ACSL4: variants seen among roughly 807,000 people sequenced by gnomAD.
The protein encoded by ACSL4 is acyl-CoA synthetase long chain family member 4, also known as long-chain-fatty-acid--CoA ligase 4.
In ACSL4, 9 loss-of-function variants were observed where a neutral mutation model predicts 49.1. That is an observed-to-expected ratio of 0.18 (90% confidence interval 0.11 to 0.32). The LOEUF is 0.32. Ranked by LOEUF, ACSL4 falls within the 10% of genes least tolerant of loss-of-function variation. The pLI is 1.00. For synonymous variants in ACSL4, 191 were observed against 170.3 expected (o/e 1.12, Z -0.95); for missense variants, 333 against 493.7 (o/e 0.67, Z 3.08).
intron 1 of ACSL4, among the ~76,000 whole-genome samples, chrX:109,711,346 C>T (rs1055879499): frequency 3.6e-5 from 4 of 112,122 alleles, no homozygotes; most frequent in African/African-American, 1.3e-4. Flanking sequence ...TATGCCCCAG[C>T]TGAGAGGCAA....
chrX:109,724,932 T>C (rs1437765148), intron 1 of ACSL4, among the ~76,000 whole-genome samples: 1 of 108,014 alleles, frequency 9.3e-6, no homozygotes, highest in African/African-American at 3.4e-5. Context: ...ATAATAAAAA[T>C]TTTCTGTAGA....
intron 1 of ACSL4, among the ~76,000 whole-genome samples, chrX:109,716,678 G>C: frequency 8.9e-6 from 1 of 112,032 alleles, no homozygotes; most frequent in East Asian, 2.8e-4. Context: ...CTCAGTATAA[G>C]GCACTTTTGC....
intron 15 of ACSL4, 115 bp downstream of exon 15, chrX:109,659,239 G>C: frequency 4.3e-6 from 3 of 692,711 alleles, no homozygotes; most frequent in Non-Finnish European, 6.7e-6. Context: ...TTAAGAAATA[G>C]GTTTCTTAAA....
chrX:109,671,501 C>A (rs779932654), intron 9 of ACSL4, among the ~76,000 whole-genome samples: 2 of 99,853 alleles, frequency 2.0e-5, no homozygotes, highest in Non-Finnish European at 4.1e-5. Flanking sequence ...AGGTGGCAGG[C>A]GGGCGCCTCT....
intron 6 of ACSL4, among the ~76,000 whole-genome samples, chrX:109,679,044 T>C (rs1011217432): frequency 8.9e-6 from 1 of 111,901 alleles, no homozygotes; most frequent in African/African-American, 3.2e-5. Flanking sequence ...GCTGGACAGA[T>C]TGTGGTTACT....
intron 2 of ACSL4, among the ~76,000 whole-genome samples, chrX:109,694,289 T>A (rs1925256934): frequency 8.9e-6 from 1 of 112,339 alleles, no homozygotes; most frequent in Non-Finnish European, 1.9e-5. Flanking sequence ...ATCTTCAGTT[T>A]CAAATTTATA....
Position 109,680,857 on chromosome X carries a change from T to G in ACSL4, c.655+141A>C, listed in dbSNP as rs746340327. 127 of 598,829 alleles carry G rather than the reference T, an allele frequency of 2.1e-4. No homozygotes were observed. In the Middle Eastern group the frequency reaches 2.8e-3, roughly 13 times the overall value. The allele number at this position is 598,829 out of a possible 1,213,427, so 49.4% of individuals were successfully genotyped here. On this transcript the variant is annotated intron_variant, in intron 6 of 15. Transcript: ENST00000672401. Reference sequence around the variant, plus strand: ...GGAAAATCTTAATCATATATGGTCTTGATGGTTTTTAAAGATTTTTGAACT... The same window carrying G: ...GGAAAATCTTAATCATATATGGTCTGGATGGTTTTTAAAGATTTTTGAACT...
In ACSL4 at chrX:109,673,177, A is replaced by G. The variant is rs566146395; in HGVS notation, c.1002+1225T>C. On this transcript the variant is annotated intron_variant, in intron 9 of 15. Transcript: ENST00000672401. ...CTCTTACCTCTTCCTATGTTATCTGATAAGGTTTGCTAGGGAATTCTGAAT... is the reference window on the plus strand; with the variant it reads ...CTCTTACCTCTTCCTATGTTATCTGGTAAGGTTTGCTAGGGAATTCTGAAT... Among the ~76,000 whole-genome samples the G allele has an allele frequency of 2.7e-5, 3 of 111,915 alleles. No homozygotes were observed. In the South Asian group the frequency reaches 1.1e-3, roughly 42 times the overall value.
chrX:109,679,954 A>T (rs1235020466), intron 6 of ACSL4, among the ~76,000 whole-genome samples: 1 of 111,901 alleles, frequency 8.9e-6, no homozygotes, highest in African/African-American at 3.2e-5. Context: ...CATGTTCTGC[A>T]CATCTTGCAA....
chrX:109,650,048 G>A (rs1013785498), intron 15 of ACSL4, among the ~76,000 whole-genome samples: 1 of 111,362 alleles, frequency 9.0e-6, no homozygotes, highest in Admixed American at 9.5e-5. Flanking sequence ...AGAGGATGTC[G>A]AGAAATAGGG....
At chrX:109,703,918 TAAAA>T (rs1323960577) in intron 1 of ACSL4, among the ~76,000 whole-genome samples, 22 of 102,992 alleles carry the variant, frequency 2.1e-4, no homozygotes, top group Non-Finnish European at 3.6e-4. Context: ...CCATCTCAAA[TAAAA>T]AAAAAAAAAT....
At chrX:109,677,848 T>G (rs1333619759) in intron 8 of ACSL4, 140 bp downstream of exon 8, 45 of 771,743 alleles carry the variant, frequency 5.8e-5, no homozygotes, top group Admixed American at 2.3e-5. Context: ...CTCCTATAGC[T>G]ACATATTGTT....
intron 15 of ACSL4, among the ~76,000 whole-genome samples, chrX:109,653,947 A>G (rs1464002164): frequency 9.1e-6 from 1 of 109,618 alleles, no homozygotes; most frequent in Non-Finnish European, 1.9e-5. Context: ...CTAAAACTTA[A>G]AGTATAATAA....
chrX:109,653,950 TATA>T (rs1045332921), intron 15 of ACSL4, among the ~76,000 whole-genome samples: 2 of 109,607 alleles, frequency 1.8e-5, no homozygotes, highest in African/African-American at 6.7e-5. Flanking sequence ...AAACTTAAAG[TATA>T]ATAATAATTT....
At chrX:109,664,551 A>G (rs1034295243) in intron 12 of ACSL4, among the ~76,000 whole-genome samples, 2 of 112,069 alleles carry the variant, frequency 1.8e-5, no homozygotes, top group African/African-American at 6.5e-5. Flanking sequence ...TGTTTTTAAA[A>G]AAGAAATAGT....
intron 9 of ACSL4, among the ~76,000 whole-genome samples, chrX:109,670,498 T>A (rs1392895397): frequency 1.9e-5 from 2 of 106,001 alleles, no homozygotes; most frequent in Non-Finnish European, 3.9e-5. Flanking sequence ...GGCAGGAGAA[T>A]CGCTTGAACC....
In ACSL4 at chrX:109,659,521, C is replaced by T. The variant is rs193072191; in HGVS notation, c.1698-10G>A. On this transcript the variant is annotated splice_polypyrimidine_tract_variant and intron_variant, in intron 14 of 15. Transcript: ENST00000672401. Reference sequence around the variant, plus strand: ...CACATAGGACTGATCACTAAAAAAACAGAAAATAAAATAGAAATGAAAACA... The same window carrying T: ...CACATAGGACTGATCACTAAAAAAATAGAAAATAAAATAGAAATGAAAACA... 1.1e-3 allele frequency: 1,227 copies of T among 1,157,839 alleles called. 10 individuals carry two copies. The African/African-American group carries it at 0.017, about 16-fold the overall frequency.
intron 2 of ACSL4, among the ~76,000 whole-genome samples, chrX:109,689,361 A>C (rs1354573126): frequency 8.9e-6 from 1 of 112,143 alleles, no homozygotes; most frequent in East Asian, 2.8e-4. Flanking sequence ...TAAACTCAGA[A>C]GCCAGAGTAC....
intron 12 of ACSL4, among the ~76,000 whole-genome samples, chrX:109,664,735 A>G (rs1038292413): frequency 6.3e-5 from 7 of 111,846 alleles, no homozygotes; most frequent in African/African-American, 2.3e-4. Flanking sequence ...TCCTAAGGTA[A>G]ATATTCTCTT....
Sources: gnomAD v4.1 joint callset for allele counts (sites outside exome capture counted in the v4.1 genomes callset) on GRCh38, gnomAD v4.1.1 for gene constraint, MANE v1.5 for transcripts, NCBI Gene and HGNC (gene_info 2026-07-23, HGNC 2026-07-21) for gene names.